Variants in LRRTM4 observed in about 807,000 individuals in gnomAD.
The protein encoded by LRRTM4 is leucine-rich repeat transmembrane neuronal protein 4.
LRRTM4 carries 25 observed loss-of-function variants against 47.6 expected under a neutral mutation model. The observed-to-expected ratio is 0.53, with a 90% CI of 0.38 to 0.73. LRRTM4 has a LOEUF of 0.73. Among genes scored for constraint, LRRTM4 ranks in the 30% least tolerant of loss-of-function variants. The pLI is 0.00. For synonymous variants in LRRTM4, 311 were observed against 269.5 expected (o/e 1.15, Z -1.51); for missense variants, 638 against 713.4 (o/e 0.89, Z 1.20).
intron 3 of LRRTM4, among the ~76,000 whole-genome samples, chr2:77,451,649 C>T (rs75265610): frequency 6.6e-6 from 1 of 152,080 alleles, no homozygotes; most frequent in African/African-American, 2.4e-5. Context: ...TGTCAATGAA[C>T]AAGATACTCT....
intron 3 of LRRTM4, among the ~76,000 whole-genome samples, chr2:77,412,826 T>C (rs940678523): frequency 2.0e-4 from 30 of 152,198 alleles, no homozygotes; most frequent in Non-Finnish European, 2.5e-4. Context: ...GGATAGTAAA[T>C]TTAAATATCT....
intron 3 of LRRTM4, among the ~76,000 whole-genome samples, chr2:77,203,761 C>G (rs1346222827): frequency 1.3e-5 from 2 of 152,122 alleles, no homozygotes; most frequent in Non-Finnish European, 2.9e-5. Flanking sequence ...TAGGTACAGC[C>G]AGTGCATGGT....
At chr2:77,205,550 A>G (rs1674099521) in intron 3 of LRRTM4, among the ~76,000 whole-genome samples, 1 of 152,138 alleles carries the variant, frequency 6.6e-6, no homozygotes, top group Non-Finnish European at 1.5e-5. Context: ...TGGCCTGTGC[A>G]AGTGTCCAGG....
chr2:77,227,872 C>A (rs1674856837), intron 3 of LRRTM4, among the ~76,000 whole-genome samples: 1 of 151,922 alleles, frequency 6.6e-6, no homozygotes, highest in Non-Finnish European at 1.5e-5. Flanking sequence ...CAGCCTTTTT[C>A]TTATGCATAT....
intron 3 of LRRTM4, among the ~76,000 whole-genome samples, chr2:77,357,810 A>C (rs1186878389): frequency 6.6e-6 from 1 of 152,198 alleles, no homozygotes; most frequent in African/African-American, 2.4e-5. Context: ...TGCACACACA[A>C]TGTTTTAAGT....
chr2:77,464,323 T>A (rs1676901620), intron 3 of LRRTM4, among the ~76,000 whole-genome samples: 2 of 152,070 alleles, frequency 1.3e-5, no homozygotes, highest in Admixed American at 1.3e-4. Context: ...TAAGGACTCA[T>A]ATTTGGTTTA....
intron 3 of LRRTM4, among the ~76,000 whole-genome samples, chr2:77,156,326 C>CAAAAAAAAAAAAAAAAAAAAAAA (rs11465198): frequency 6.8e-6 from 1 of 146,480 alleles, no homozygotes. Flanking sequence ...AGACACAATA[C>CAAAAAAAAAAAAAAAAAAAAAAA]AAAAAAAAAC....
At chr2:76,982,857 G>C (rs935767878) in intron 3 of LRRTM4, among the ~76,000 whole-genome samples, 3 of 152,074 alleles carry the variant, frequency 2.0e-5, no homozygotes, top group Admixed American at 2.0e-4. Flanking sequence ...TAAGTGAAGT[G>C]AGGGGCAGAG....
intron 3 of LRRTM4, among the ~76,000 whole-genome samples, chr2:77,188,509 A>G (rs1673575900): frequency 6.6e-6 from 1 of 152,186 alleles, no homozygotes; most frequent in Admixed American, 6.6e-5. Flanking sequence ...TACCTTCTAC[A>G]TGTATATTTC....
At chr2:77,074,308 C>T (rs910654568) in intron 3 of LRRTM4, among the ~76,000 whole-genome samples, 1 of 152,144 alleles carries the variant, frequency 6.6e-6, no homozygotes, top group Non-Finnish European at 1.5e-5. Context: ...GGCATTTGTA[C>T]ATCCTGTCTT....
intron 3 of LRRTM4, among the ~76,000 whole-genome samples, chr2:76,984,019 C>T (rs1053276887): frequency 6.6e-6 from 1 of 151,948 alleles, no homozygotes; most frequent in Non-Finnish European, 1.5e-5. Context: ...ACCTGAATAC[C>T]TTCTGTTTGT....
intron 3 of LRRTM4, among the ~76,000 whole-genome samples, chr2:77,126,170 G>C (rs1671648210): frequency 6.6e-6 from 1 of 151,586 alleles, no homozygotes; most frequent in Non-Finnish European, 1.5e-5. Flanking sequence ...AAAGCACACT[G>C]TACCTTTATG....
chr2:77,420,581 C>T (rs1363855360), intron 3 of LRRTM4, among the ~76,000 whole-genome samples: 1 of 151,360 alleles, frequency 6.6e-6, no homozygotes, highest in African/African-American at 2.4e-5. Context: ...AAAAGCTATT[C>T]ATACTGAAAT....
chr2:77,069,593 T>C (rs1376750244), intron 3 of LRRTM4, among the ~76,000 whole-genome samples: 3 of 152,208 alleles, frequency 2.0e-5, no homozygotes, highest in Non-Finnish European at 2.9e-5. Flanking sequence ...TGGTGTCCTA[T>C]TACTTCGTGG....
chr2:77,251,601 TC>T (rs540300744), intron 3 of LRRTM4, among the ~76,000 whole-genome samples: 236 of 152,222 alleles, frequency 1.6e-3, no homozygotes, highest in African/African-American at 5.4e-3. Context: ...TCCACAAAAA[TC>T]TTTTGATATC....
At chr2:76,812,792 C>CCCCCCTTCCTCCTCCTCTCCCTA (rs1243712463) in intron 3 of LRRTM4, among the ~76,000 whole-genome samples, 4 of 114,022 alleles carry the variant, frequency 3.5e-5, no homozygotes, top group African/African-American at 6.8e-5. Context: ...TCCTCTCCCT[C>CCCCCCTTCCTCCTCCTCTCCCTA]CCCCCCCTCC....
intron 3 of LRRTM4, among the ~76,000 whole-genome samples, chr2:77,389,741 C>T (rs1261359696): frequency 6.6e-6 from 1 of 151,972 alleles, no homozygotes; most frequent in Admixed American, 6.6e-5. Context: ...ACCCCATCAC[C>T]CCACAAGCAG....
chr2:76,757,593 C>G (rs1673086798), intron 3 of LRRTM4, among the ~76,000 whole-genome samples: 1 of 152,072 alleles, frequency 6.6e-6, no homozygotes, highest in Non-Finnish European at 1.5e-5. Flanking sequence ...GCTCTGGCCT[C>G]TAAATTAGAA....
intron 3 of LRRTM4, among the ~76,000 whole-genome samples, chr2:77,505,230 A>T (rs1573504478): frequency 6.6e-6 from 1 of 151,480 alleles, no homozygotes; most frequent in East Asian, 1.9e-4. Context: ...TATAAAATTC[A>T]TAAAATCAAA....
Sources: gnomAD v4.1 joint callset for allele counts (sites outside exome capture counted in the v4.1 genomes callset) on GRCh38, gnomAD v4.1.1 for gene constraint, MANE v1.5 for transcripts, NCBI Gene and HGNC (gene_info 2026-07-23, HGNC 2026-07-21) for gene names.